The following ANTXR1 variants were observed in gnomAD, a reference collection of about 807,000 sequenced individuals.
ANTXR1 encodes anthrax toxin receptor 1.
ANTXR1 carries 19 observed loss-of-function variants against 78.1 expected under a neutral mutation model. The ratio of observed to expected loss-of-function variants is 0.24; its 90% confidence interval spans 0.17 to 0.36. ANTXR1 has a LOEUF of 0.36. ANTXR1 is among the 10% of genes least tolerant of loss of function. The pLI is 1.00. For missense variants in ANTXR1, 518 were observed against 718.6 expected (o/e 0.72, Z 3.19); for synonymous variants, 273 against 260.5 (o/e 1.05, Z -0.46).
intron 14 of ANTXR1, among the ~76,000 whole-genome samples, chr2:69,174,555 G>A (rs1026612368): frequency 6.6e-6 from 1 of 152,132 alleles, no homozygotes; most frequent in East Asian, 1.9e-4. Flanking sequence ...AACCTGGGAG[G>A]TGGAAGTTGC....
At position 69,013,782 on chromosome 2, in the gene ANTXR1, CA is replaced by C; in HGVS notation, c.152+132del. On this transcript the variant is annotated intron_variant, in intron 1 of 17. Transcript: ENST00000303714. The surrounding 1 kb of genome is among the most constrained non-coding windows in gnomAD (Gnocchi z 5.0). ...CCAGGGCCACAGAGGGACCGCGCGG[CA>C]GGCGGCGGCGGAGTGCTGCGCCTTT... The C allele has an allele frequency of 6.8e-7, 1 of 1,466,050 alleles. No individual in the cohort carries two copies. The allele number at this position is 1,466,050 out of a possible 1,614,324, so 90.8% of individuals were successfully genotyped here.
At chr2:69,032,369 C>G (rs925702441) in intron 1 of ANTXR1, among the ~76,000 whole-genome samples, 1 of 152,038 alleles carries the variant, frequency 6.6e-6, no homozygotes, top group Non-Finnish European at 1.5e-5. Flanking sequence ...GTCTTTCCCT[C>G]CTCTCTACCC....
chr2:69,193,305 T>C (rs769625172), intron 16 of ANTXR1, 30 bp from the exon 17 acceptor site: 1 of 1,609,820 alleles, frequency 6.2e-7, no homozygotes, highest in South Asian at 1.1e-5. Flanking sequence ...TGGTTTCATA[T>C]GTAATCTTGG....
chr2:69,076,991 T>C (rs1394872561), intron 7 of ANTXR1, among the ~76,000 whole-genome samples: 1 of 152,204 alleles, frequency 6.6e-6, no homozygotes, highest in African/African-American at 2.4e-5. Flanking sequence ...ACACCAAAGC[T>C]TGAATTTAAA....
rs71397322 is a variant in ANTXR1, at chr2:69,205,607, T to TTA, written c.1434+12192_1434+12193insTA. Among the ~76,000 whole-genome samples the TTA allele has an allele frequency of 9.8e-3, 1,450 of 148,492 alleles. 17 individuals are homozygous for TTA. The highest frequency in any genetic ancestry group is 0.027 in the African/African-American group (1,089 of 40,266). On this transcript the variant is annotated intron_variant, in intron 17 of 17. Coordinates refer to ENST00000303714, the MANE Select transcript of ANTXR1 (RefSeq NM_032208.3). ...GAACCATGGCTTTTTTTTTTTTTTT[T>TTA]AACTTTCCCTCACAGCACTGAGGAC...
At chr2:69,159,650 A>AT (rs1405801002) in intron 13 of ANTXR1, among the ~76,000 whole-genome samples, 2 of 151,996 alleles carry the variant, frequency 1.3e-5, no homozygotes, top group East Asian at 1.9e-4. Context: ...TATAACAACA[A>AT]TTTTTTTTCA....
At chr2:69,034,654 GT>G (rs1671624847) in intron 1 of ANTXR1, among the ~76,000 whole-genome samples, 1 of 152,174 alleles carries the variant, frequency 6.6e-6, no homozygotes, top group African/African-American at 2.4e-5. Flanking sequence ...GCAGTTACGT[GT>G]TAAAGGCAGT....
chr2:69,215,089 C>T (rs1242695952), intron 17 of ANTXR1, among the ~76,000 whole-genome samples: 1 of 152,196 alleles, frequency 6.6e-6, no homozygotes, highest in East Asian at 1.9e-4. Flanking sequence ...GCAGCCCCTC[C>T]ATCCTGCTGC....
intron 13 of ANTXR1, among the ~76,000 whole-genome samples, chr2:69,154,305 T>C (rs1673471014): frequency 6.6e-6 from 1 of 152,164 alleles, no homozygotes; most frequent in African/African-American, 2.4e-5. Flanking sequence ...CGGGATTCAT[T>C]TTCCTGTTTA....
At chr2:69,092,278 G>A (rs1433001180) in intron 9 of ANTXR1, among the ~76,000 whole-genome samples, 1 of 152,146 alleles carries the variant, frequency 6.6e-6, no homozygotes, top group Non-Finnish European at 1.5e-5. Flanking sequence ...AACTCCTTAA[G>A]GATTTTATTC....
intron 9 of ANTXR1, among the ~76,000 whole-genome samples, chr2:69,092,617 G>T (rs62133505): frequency 0.023 from 3,564 of 152,318 alleles, 47 homozygotes; most frequent in Non-Finnish European, 0.037. Flanking sequence ...CACACAGATG[G>T]CAGGGGTAAA....
chr2:69,077,084 C>A, intron 7 of ANTXR1: 1 of 375,728 alleles, frequency 2.7e-6, no homozygotes, highest in Non-Finnish European at 4.9e-6. Context: ...AAAAATGAGC[C>A]CATGGCCTGT....
At chr2:69,210,323 T>C (rs75971458) in intron 17 of ANTXR1, among the ~76,000 whole-genome samples, 1,835 of 152,362 alleles carry the variant, frequency 0.012, 40 homozygotes, top group East Asian at 0.096. Flanking sequence ...TGTTAATTCA[T>C]TGTCCTGCCT....
intron 8 of ANTXR1, among the ~76,000 whole-genome samples, chr2:69,083,939 C>T (rs1025542462): frequency 6.6e-6 from 1 of 152,218 alleles, no homozygotes; most frequent in Non-Finnish European, 1.5e-5. Context: ...ATTTTGCAGA[C>T]ACTCAGACCA....
chr2:69,075,013 G>A (rs1670686592), intron 6 of ANTXR1, among the ~76,000 whole-genome samples: 1 of 151,652 alleles, frequency 6.6e-6, no homozygotes, highest in African/African-American at 2.4e-5. Flanking sequence ...ATTCAAATAT[G>A]GACCACAATT....
chr2:69,085,097 T>C (rs2104263048), intron 8 of ANTXR1, among the ~76,000 whole-genome samples: 1 of 152,260 alleles, frequency 6.6e-6, no homozygotes, highest in East Asian at 1.9e-4. Context: ...TCAAAATTCA[T>C]GGGGACAACA....
rs556789606 is a variant in ANTXR1 at position 69,022,208 on chromosome 2, G to T, written c.152+8557G>T. 2.0e-5 allele frequency among the ~76,000 whole-genome samples: 3 copies of T among 152,346 alleles called. No individual in the cohort carries two copies. The East Asian group carries it at 5.8e-4, about 29-fold the overall frequency. ...GCTCAGAGGATGCCTGTACACTGCA[G>T]GGGCTGATTCTGAGTTTGAATCAAG... On this transcript the variant is annotated intron_variant, in intron 1 of 17. Coordinates refer to ENST00000303714, the MANE Select transcript of ANTXR1 (RefSeq NM_032208.3).
At chr2:69,238,271 G>C (rs765192707) in intron 17 of ANTXR1, among the ~76,000 whole-genome samples, 54 of 152,272 alleles carry the variant, frequency 3.5e-4, no homozygotes, top group African/African-American at 1.0e-3. Context: ...TCACAAATGT[G>C]GTTGCTGGGG....
At chr2:69,237,917 A>G (rs1675810211) in intron 17 of ANTXR1, among the ~76,000 whole-genome samples, 1 of 152,212 alleles carries the variant, frequency 6.6e-6, no homozygotes, top group African/African-American at 2.4e-5. Context: ...TATCAAAGTG[A>G]AAGGGAAAGG....
Sources: allele counts gnomAD v4.1 joint callset (sites outside exome capture counted in the v4.1 genomes callset), GRCh38; gene constraint gnomAD v4.1.1; non-coding constraint Gnocchi (gnomAD v3.1); transcripts MANE v1.5; gene names NCBI Gene and HGNC (gene_info 2026-07-23, HGNC 2026-07-21).